ZMYND12: variants seen among roughly 807,000 people sequenced by gnomAD.
ZMYND12 encodes zinc finger MYND-type containing 12, also known as zinc finger MYND domain-containing protein 12.
ZMYND12 carries 32 observed loss-of-function variants against 41.7 expected under a neutral mutation model. The ratio of observed to expected loss-of-function variants is 0.77; its 90% confidence interval spans 0.58 to 1.03. The LOEUF is 1.03. Among genes scored for constraint, ZMYND12 ranks in the 50% least tolerant of loss-of-function variants. ZMYND12 has a pLI of 0.00. For synonymous variants in ZMYND12, 148 were observed against 164.8 expected, an observed-to-expected ratio of 0.90 and a Z score of 0.78; for missense variants, 424 against 438.5, an observed-to-expected ratio of 0.97 and a Z score of 0.30.
intron 3 of ZMYND12, among the ~76,000 whole-genome samples, chr1:42,445,617 T>C (rs934248962): frequency 6.6e-6 from 1 of 151,968 alleles, no homozygotes; most frequent in Non-Finnish European, 1.5e-5. Context: ...GAAATCATCA[T>C]GCTTCTGAGG....
chr1:42,446,651 C>A (rs949202807), intron 3 of ZMYND12, among the ~76,000 whole-genome samples: 444 of 125,608 alleles, frequency 3.5e-3, no homozygotes, highest in Middle Eastern at 4.5e-3. Flanking sequence ...GACTCGGTCT[C>A]AAAAAAAAAA....
Position 42,440,028 on chromosome 1 carries a change from G to T in ZMYND12, c.425-3C>A, listed in dbSNP as rs767851526. ...AGCCTGAACGATTCGGCCCAGACCTGCCCAAAAGCAGAAAAGAAGGTTATA... is the reference window on the plus strand; with the variant it reads ...AGCCTGAACGATTCGGCCCAGACCTTCCCAAAAGCAGAAAAGAAGGTTATA... On this transcript the variant is annotated splice_polypyrimidine_tract_variant and splice_region_variant and intron_variant, in intron 3 of 7. Transcript: ENST00000372565. The T allele has an allele frequency of 6.3e-7, 1 of 1,588,362 alleles. No homozygotes were observed. Among genetic ancestry groups the T allele is most frequent in the Non-Finnish European group, 8.5e-7 (1 of 1,171,156 alleles).
At chr1:42,444,366 T>C (rs954979472) in intron 3 of ZMYND12, among the ~76,000 whole-genome samples, 2 of 152,186 alleles carry the variant, frequency 1.3e-5, no homozygotes, top group Non-Finnish European at 2.9e-5. Flanking sequence ...AAGTAATCTC[T>C]AAGATGGGAA....
intron 3 of ZMYND12, among the ~76,000 whole-genome samples, chr1:42,448,110 G>GA (rs1643042156): frequency 6.7e-6 from 1 of 148,824 alleles, no homozygotes. Flanking sequence ...TGCAGAGAGG[G>GA]AAAATAGCAA....
At chr1:42,435,524 G>A (rs1240559603) in intron 5 of ZMYND12, 139 bp from the exon 6 acceptor site, 2 of 636,762 alleles carry the variant, frequency 3.1e-6, no homozygotes, top group Non-Finnish European at 5.6e-6. Context: ...GGAGGCAGAG[G>A]GAACCCTAGG....
chr1:42,438,089 G>A (rs770137283), intron 4 of ZMYND12, among the ~76,000 whole-genome samples: 79 of 151,588 alleles, frequency 5.2e-4, no homozygotes, highest in Non-Finnish European at 9.9e-4. Flanking sequence ...GATTACAGGC[G>A]TGAGCCACCA....
rs760843912 is a variant in ZMYND12, at chr1:42,448,474, G to A, written c.417C>T (p.Ala139=). Residue 139 remains alanine, a synonymous_variant, in exon 3 of 8, where the codon GCC becomes GCT. Coordinates refer to ENST00000372565, the MANE Select transcript of ZMYND12 (RefSeq NM_032257.5). ...LVPAYLLLAE[A]SLGLGRIVQA... ...CAAGTCGGTTTCACTCACCAAGGCT[G>A]GCCTCGGCCAACAGCAGGTAAGCAG... The A allele has an allele frequency of 7.5e-6, 12 of 1,596,406 alleles. No individual in the cohort carries two copies. The highest frequency in any genetic ancestry group is 4.5e-5 in the South Asian group (4 of 88,894).
At chr1:42,447,873 C>G (rs1378885392) in intron 3 of ZMYND12, among the ~76,000 whole-genome samples, 1 of 152,038 alleles carries the variant, frequency 6.6e-6, no homozygotes, top group Non-Finnish European at 1.5e-5. Context: ...GGGGTGGGTT[C>G]CTGTATTTCT....
Position 42,449,953 on chromosome 1 carries a change from G to A in ZMYND12, c.217C>T (p.Arg73Trp), listed in dbSNP as rs747455542. Residue 73 changes from arginine (R) to tryptophan (W), a missense_variant, in exon 2 of 8, where the codon CGG becomes TGG. Transcript: ENST00000372565. ...TGCAGCTGCTGCAGGCCATGCTGCC[G>A]TTCTTCCTCTGAATTGTAGAAGGGC... ...SMPFYNSEEE[R>W]QHGLQQLQQR... The A allele has an allele frequency of 1.1e-5, 17 of 1,613,154 alleles. No homozygotes were observed. Among genetic ancestry groups the A allele is most frequent in the Admixed American group, 3.3e-5 (2 of 60,008 alleles).
chr1:42,439,788 T>A, intron 4 of ZMYND12, 68 bp downstream of exon 4: 2 of 1,443,622 alleles, frequency 1.4e-6, no homozygotes, highest in South Asian at 1.4e-5. Context: ...TAAACAGATT[T>A]TGGAAATATA....
At chr1:42,434,850 A>G (rs990181190) in intron 6 of ZMYND12, among the ~76,000 whole-genome samples, 1 of 152,036 alleles carries the variant, frequency 6.6e-6, no homozygotes, top group Admixed American at 6.6e-5. Flanking sequence ...TACACAATAA[A>G]TGTAATGCAC....
Position 42,436,466 on chromosome 1 carries a change from G to T in ZMYND12, c.672C>A (p.Phe224Leu), listed in dbSNP as rs1219333628. 6.2e-7 allele frequency: 1 copy of T among 1,613,774 alleles called. No homozygotes were observed. Among genetic ancestry groups the T allele is most frequent in the Admixed American group, 1.7e-5 (1 of 60,024 alleles). Residue 224 changes from phenylalanine to leucine, a missense_variant, in exon 5 of 8, where the codon TTC becomes TTA. By Grantham distance (22) the Phe-to-Leu change is conservative. Coordinates refer to ENST00000372565, the MANE Select transcript of ZMYND12 (RefSeq NM_032257.5). Reference sequence around the variant, plus strand: ...CCAGGTCCAACTTTTTAAGGTCATAGAATATATTAGCCAGGTGGAAGTAGC... The same window carrying T: ...CCAGGTCCAACTTTTTAAGGTCATATAATATATTAGCCAGGTGGAAGTAGC... ...SGGYFHLANI[F>L]YDLKKLDLAD...
Position 42,435,292 on chromosome 1 carries a change from CAAAT to C in ZMYND12, c.807_810del (p.Phe270ArgfsTer18). 6.2e-7 allele frequency: 1 copy of C among 1,613,796 alleles called. No individual in the cohort carries two copies. The highest frequency in any genetic ancestry group is 8.5e-7 in the Non-Finnish European group (1 of 1,179,716). ...CACTTACCCAAGCCAGTGTCATTCT[CAAAT>C]AGTTTGCCCAGTAAATCCATTTGTT... is the stretch of plus-strand genomic sequence containing the variant. On this transcript the variant is annotated frameshift_variant, in exon 6 of 8. Transcript: ENST00000372565. LOFTEE classifies it high-confidence loss of function.
intron 1 of ZMYND12, among the ~76,000 whole-genome samples, chr1:42,452,710 T>C (rs1456898144): frequency 2.0e-5 from 3 of 151,764 alleles, no homozygotes; most frequent in African/African-American, 7.3e-5. Flanking sequence ...CTCAAAAAAA[T>C]AATAAAAAAA....
intron 3 of ZMYND12, among the ~76,000 whole-genome samples, chr1:42,444,843 C>T (rs948193483): frequency 7.6e-6 from 1 of 131,138 alleles, no homozygotes; most frequent in African/African-American, 3.0e-5. Context: ...CTCGCTCTGT[C>T]ACCCAGGCTG....
chr1:42,430,904 A>C (rs565671472), intron 7 of ZMYND12, 46 bp from the exon 8 acceptor site: 1 of 1,610,062 alleles, frequency 6.2e-7, no homozygotes, highest in East Asian at 2.2e-5. Flanking sequence ...ACAGGAAAGC[A>C]TAACACTGGG....
intron 4 of ZMYND12, among the ~76,000 whole-genome samples, chr1:42,437,660 A>G (rs1053843748): frequency 5.7e-4 from 86 of 149,928 alleles, no homozygotes; most frequent in Non-Finnish European, 1.1e-3. Flanking sequence ...TGACAGGCAC[A>G]CACCACCACA....
intron 1 of ZMYND12, among the ~76,000 whole-genome samples, chr1:42,454,756 T>C (rs1284291654): frequency 6.6e-6 from 1 of 150,944 alleles, no homozygotes; most frequent in Non-Finnish European, 1.5e-5. Context: ...CAAGCTGGAG[T>C]GCAATGGAGC....
chr1:42,439,785 A>AT, intron 4 of ZMYND12, 71 bp downstream of exon 4: 1 of 1,442,728 alleles, frequency 6.9e-7, no homozygotes. Context: ...AATTAAACAG[A>AT]TTTTGGAAAT....
Sources: gnomAD v4.1 joint callset for allele counts (sites outside exome capture counted in the v4.1 genomes callset) on GRCh38, gnomAD v4.1.1 for gene constraint, MANE v1.5 for transcripts, NCBI Gene and HGNC (gene_info 2026-07-23, HGNC 2026-07-21) for gene names.